The following BTBD18 variants were observed in gnomAD, a reference collection of about 807,000 sequenced individuals.
BTBD18 encodes BTB domain containing 18, also known as BTB/POZ domain-containing protein 18.
For missense variants in BTBD18, 787 were observed against 846.3 expected (o/e 0.93, Z 0.87); for synonymous variants, 311 against 324.4 (o/e 0.96, Z 0.44).
chr11:57,752,229 G>A (rs1424738750), upstream of BTBD18, among the ~76,000 whole-genome samples: 1 of 152,158 alleles, frequency 6.6e-6, no homozygotes, highest in Non-Finnish European at 1.5e-5. Context: ...AGAATGAAAA[G>A]GTAAATTAAG....
In BTBD18 at chr11:57,749,916, C is replaced by A. The variant is rs1160065692; in HGVS notation, c.124+1149G>T. 2.0e-5 allele frequency among the ~76,000 whole-genome samples: 3 copies of A among 152,118 alleles called. No individual in the cohort carries two copies. In the East Asian group the frequency reaches 5.8e-4, roughly 29 times the overall value. ...GCCCATTTCTTGGGCCTTTATATAT[C>A]AGGATCTACTTAGTAACTCTGACTC... On this transcript the variant is annotated intron_variant, in intron 2 of 2. Transcript: ENST00000422652.
rs1380067751 is a variant in BTBD18 at position 57,744,557 on chromosome 11, A to G, written c.1716T>C (p.Leu572=). Residue 572 remains leucine (L), a synonymous_variant, in exon 3 of 3, where the codon CTT becomes CTC. Coordinates refer to ENST00000422652, the MANE Select transcript of BTBD18 (RefSeq NM_001145101.3). ...AGENRGPTEL[L]SPLVMPSEVS... ...CCTCAGAGGGCATGACAAGGGGGCTAAGGAGCTCAGTTGGCCCTCTGTTCT... is the reference window on the plus strand; with the variant it reads ...CCTCAGAGGGCATGACAAGGGGGCTGAGGAGCTCAGTTGGCCCTCTGTTCT... 1.2e-5 allele frequency: 18 copies of G among 1,551,594 alleles called. No individual in the cohort carries two copies. The highest frequency in any genetic ancestry group is 1.4e-5 in the Non-Finnish European group (16 of 1,146,994).
rs1221308930 is a variant in BTBD18 at position 57,744,091 on chromosome 11, T to C, written c.*43A>G. On this transcript the variant is annotated 3_prime_UTR_variant, in exon 3 of 3. Coordinates refer to ENST00000422652, the MANE Select transcript of BTBD18 (RefSeq NM_001145101.3). ...CCAGTAAGCCTTTTGCTAGCTAACA[T>C]TTCCCACCCTCCCAAGGCCCCTAAC... The C allele has an allele frequency of 1.5e-6, 2 of 1,372,130 alleles. No individual in the cohort carries two copies. The highest frequency in any genetic ancestry group is 2.0e-6 in the Non-Finnish European group (2 of 1,008,244). The allele number at this position is 1,372,130 out of a possible 1,614,324, so 85.0% of individuals were successfully genotyped here.
chr11:57,751,173 T>A lies in BTBD18; in HGVS notation c.16A>T (p.Ser6Cys). MCSPASPKILYRNPRF... is the reference protein window; with the variant it reads MCSPACPKILYRNPRF... ...GGGTTCCTGTATAGGATTTTGGGACTGGCAGGAGAGCACATGTTGGCAAGA... is the reference window on the plus strand; with the variant it reads ...GGGTTCCTGTATAGGATTTTGGGACAGGCAGGAGAGCACATGTTGGCAAGA... Residue 6 changes from serine to cysteine, a missense_variant, in exon 2 of 3, where the codon AGT becomes TGT. By Grantham distance (112) the Ser-to-Cys change is moderately radical. Coordinates refer to ENST00000422652, the MANE Select transcript of BTBD18 (RefSeq NM_001145101.3). 1 of 1,544,110 alleles carries A rather than the reference T, an allele frequency of 6.5e-7. No individual in the cohort carries two copies. Among genetic ancestry groups the A allele is most frequent in the Non-Finnish European group, 8.7e-7 (1 of 1,144,652 alleles).
rs540559459 is a variant in BTBD18 at position 57,749,181 on chromosome 11, T to C, written c.124+1884A>G. On this transcript the variant is annotated intron_variant, in intron 2 of 2. Transcript: ENST00000422652. ...ATGACTTACCCAATTATATTTTTAA[T>C]ATATTGCACAGTTACTTGAATGCAC... Among the ~76,000 whole-genome samples, 7 of 152,360 alleles carry C rather than the reference T, an allele frequency of 4.6e-5. No homozygotes were observed. The South Asian group carries it at 1.2e-3, about 27-fold the overall frequency.
intron 2 of BTBD18, among the ~76,000 whole-genome samples, chr11:57,748,857 T>C (rs902679045): frequency 4.6e-5 from 7 of 152,202 alleles, no homozygotes; most frequent in African/African-American, 1.7e-4. Context: ...CCCAGTGTCC[T>C]GAGATACCTA....
In BTBD18 at chr11:57,745,002, G is replaced by C; in HGVS notation, c.1271C>G (p.Thr424Ser). Residue 424 changes from threonine to serine, a missense_variant, in exon 3 of 3, where the codon ACT becomes AGT. Coordinates refer to ENST00000422652, the MANE Select transcript of BTBD18 (RefSeq NM_001145101.3). ...AGAGACCAGAATGTCTTGTAGCTTA[G>C]TGCACATGGGGGAGTCCTGACACAG... The part of the protein sequence containing the change: ...TELCQDSPMC[T>S]KLQDILVSAS... The C allele has an allele frequency of 4.5e-6, 7 of 1,551,674 alleles. No homozygotes were observed. The highest frequency in any genetic ancestry group is 6.1e-6 in the Non-Finnish European group (7 of 1,146,966).
At chr11:57,752,621 G>A (rs1401112539), upstream of BTBD18, among the ~76,000 whole-genome samples, 2 of 152,116 alleles carry the variant, frequency 1.3e-5, no homozygotes, top group Admixed American at 6.6e-5. Context: ...ATCCACGATC[G>A]CCTGGCCTTG....
At position 57,745,066 on chromosome 11, in the gene BTBD18, A is replaced by C. The variant is rs1247416201; in HGVS notation, c.1207T>G (p.Ser403Ala). 6.4e-7 allele frequency: 1 copy of C among 1,551,668 alleles called. No individual in the cohort carries two copies. Among genetic ancestry groups the C allele is most frequent in the Admixed American group, 2.0e-5 (1 of 51,006 alleles). The change falls in exon 3 of 3, where the codon TCC becomes GCC. Residue 403 changes from serine to alanine, a missense_variant. Physicochemically the swap from Ser to Ala is moderately conservative, Grantham distance 99. Coordinates refer to ENST00000422652, the MANE Select transcript of BTBD18 (RefSeq NM_001145101.3). ...GGTGACATTTCCTGCTCATTACTGGAGAATGGCTGAGTTCCTGAAGGCTCT... is the reference window on the plus strand; with the variant it reads ...GGTGACATTTCCTGCTCATTACTGGCGAATGGCTGAGTTCCTGAAGGCTCT... Reference protein sequence around the residue: ...FQEPSGTQPFSSNEQEMSPTR... With the variant: ...FQEPSGTQPFASNEQEMSPTR...
At chr11:57,749,754 A>G (rs68112950) in intron 2 of BTBD18, among the ~76,000 whole-genome samples, 34 of 145,906 alleles carry the variant, frequency 2.3e-4, no homozygotes, top group Non-Finnish European at 4.2e-4. Context: ...TCAAAAAAAA[A>G]AAAAAAAAAA....
chr11:57,749,665 G>A (rs1347346296), intron 2 of BTBD18, among the ~76,000 whole-genome samples: 2 of 145,174 alleles, frequency 1.4e-5, no homozygotes, highest in Non-Finnish European at 3.0e-5. Context: ...GAGGAGAATC[G>A]CTTGAACCCA....
chr11:57,751,210 CCTT>C lies in BTBD18; in HGVS notation c.-25_-23del, dbSNP rs1430022365. On this transcript the variant is annotated 5_prime_UTR_variant, in exon 2 of 3. Transcript: ENST00000422652. ...ACATGTTGGCAAGAGTCTTAACAAA[CCTT>C]CTAGGTTTTCACAGATCAGACTCCT... The C allele has an allele frequency of 2.2e-4, 335 of 1,517,878 alleles. No homozygotes were observed. The highest frequency in any genetic ancestry group is 2.7e-4 in the Non-Finnish European group (307 of 1,132,968). 94.0% of individuals were successfully genotyped at this position (1,517,878 alleles called of 1,614,324 possible).
chr11:57,745,474 G>A lies in BTBD18; in HGVS notation c.799C>T (p.Arg267Cys), dbSNP rs1290834536. ...HLLPRKIRLS[R>C]SKPSPGICTS... is the part of the protein sequence containing the mutation. The stretch of plus-strand genomic sequence containing the variant: ...CAGATACCAGGAGATGGCTTTGAGC[G>A]ACTGAGCCTGATCTTTCTGGGCAAC... The change falls in exon 3 of 3, where the codon CGC becomes TGC. Residue 267 changes from arginine to cysteine, a missense_variant. Coordinates refer to ENST00000422652, the MANE Select transcript of BTBD18 (RefSeq NM_001145101.3). 7 of 1,550,154 alleles carry A rather than the reference G, an allele frequency of 4.5e-6. No homozygotes were observed. The highest frequency in any genetic ancestry group is 5.2e-6 in the Non-Finnish European group (6 of 1,146,990).
chr11:57,750,225 AAAT>A (rs1949278877), intron 2 of BTBD18, among the ~76,000 whole-genome samples: 1 of 151,988 alleles, frequency 6.6e-6, no homozygotes, highest in Non-Finnish European at 1.5e-5. Flanking sequence ...AAAATACAAA[AAAT>A]TTTCCGGGTG....
intron 2 of BTBD18, among the ~76,000 whole-genome samples, chr11:57,748,261 T>C (rs1328537794): frequency 1.3e-5 from 2 of 152,230 alleles, no homozygotes. Flanking sequence ...TAATATTTGT[T>C]GAGTCATTAT....
intron 2 of BTBD18, among the ~76,000 whole-genome samples, 189 bp downstream of exon 2, chr11:57,750,876 A>C (rs1242716450): frequency 2.0e-5 from 3 of 152,252 alleles, no homozygotes; most frequent in African/African-American, 7.2e-5. Flanking sequence ...TAAGAGAAAG[A>C]AGCAAAGTCA....
intron 2 of BTBD18, 126 bp from the exon 3 acceptor site, chr11:57,746,274 G>A: frequency 2.8e-6 from 2 of 705,568 alleles, no homozygotes; most frequent in African/African-American, 1.8e-5. Flanking sequence ...TCAAGTAAAA[G>A]AAAAAAATTA....
At chr11:57,750,467 G>T (rs190712777) in intron 2 of BTBD18, among the ~76,000 whole-genome samples, 1 of 152,272 alleles carries the variant, frequency 6.6e-6, no homozygotes, top group African/African-American at 2.4e-5. Flanking sequence ...AAGCCCAGGC[G>T]GGTGGATCAC....
chr11:57,752,437 G>A (rs1949330935), upstream of BTBD18, among the ~76,000 whole-genome samples: 1 of 152,102 alleles, frequency 6.6e-6, no homozygotes, highest in Admixed American at 6.6e-5. Flanking sequence ...AGGAGGCTGA[G>A]GTGGGAGAAT....
Sources: gnomAD v4.1 joint callset for allele counts (sites outside exome capture counted in the v4.1 genomes callset) on GRCh38, gnomAD v4.1.1 for gene constraint, MANE v1.5 for transcripts, NCBI Gene and HGNC (gene_info 2026-07-23, HGNC 2026-07-21) for gene names.